Variants in DESI2 observed in about 807,000 individuals in gnomAD.
DESI2 encodes the protein desumoylating isopeptidase 2.
DESI2 carries 10 observed loss-of-function variants against 24.1 expected under a neutral mutation model. The ratio of observed to expected loss-of-function variants is 0.41; its 90% CI spans 0.26 to 0.70. The LOEUF (loss-of-function observed/expected upper bound fraction) is 0.70. DESI2 is among the 30% of genes least tolerant of loss of function. DESI2 has a pLI of 0.29. For missense variants in DESI2, 122 were observed against 234.9 expected, an observed-to-expected ratio of 0.52 and a Z score of 3.14; for synonymous variants, 71 against 87.7, an observed-to-expected ratio of 0.81 and a Z score of 1.06.
chr1:244,657,773 C>A (rs1675699000), intron 1 of DESI2, among the ~76,000 whole-genome samples: 1 of 152,226 alleles, frequency 6.6e-6, no homozygotes, highest in Admixed American at 6.5e-5. Flanking sequence ...ATAGTATCCT[C>A]AGTCAGCAGT....
At chr1:244,663,873 C>A (rs1004787982) in intron 1 of DESI2, among the ~76,000 whole-genome samples, 2 of 151,954 alleles carry the variant, frequency 1.3e-5, no homozygotes, top group African/African-American at 2.4e-5. Context: ...AAAAAATTAG[C>A]CAGGCGTGGT....
At chr1:244,663,561 C>G (rs569557452) in intron 1 of DESI2, among the ~76,000 whole-genome samples, 2 of 152,164 alleles carry the variant, frequency 1.3e-5, no homozygotes, top group East Asian at 3.9e-4. Context: ...TAATTTCAGA[C>G]TTCTCTTTGC....
chr1:244,683,369 T>G (rs938252668), intron 1 of DESI2, among the ~76,000 whole-genome samples: 5 of 152,134 alleles, frequency 3.3e-5, no homozygotes, highest in Non-Finnish European at 5.9e-5. Context: ...TGGAGTGCAG[T>G]GGCGTGATCT....
At chr1:244,701,572 G>A (rs1341642133) in intron 4 of DESI2, among the ~76,000 whole-genome samples, 1 of 152,188 alleles carries the variant, frequency 6.6e-6, no homozygotes, top group East Asian at 1.9e-4. Flanking sequence ...GGCCATAGAA[G>A]ATTATTCCCA....
intron 1 of DESI2, among the ~76,000 whole-genome samples, chr1:244,657,156 A>C (rs1427637465): frequency 1.3e-5 from 2 of 152,256 alleles, no homozygotes; most frequent in Non-Finnish European, 2.9e-5. Context: ...AGGACACTTC[A>C]AATAAGGACA....
At chr1:244,700,361 T>G in intron 4 of DESI2, among the ~76,000 whole-genome samples, 1 of 152,172 alleles carries the variant, frequency 6.6e-6, no homozygotes, top group East Asian at 1.9e-4. Context: ...AAAAGTATTT[T>G]CGTTTCGGAT....
At chr1:244,690,092 T>G (rs549356898) in intron 3 of DESI2, among the ~76,000 whole-genome samples, 1 of 152,222 alleles carries the variant, frequency 6.6e-6, no homozygotes, top group Non-Finnish European at 1.5e-5. Context: ...ATTTATACTT[T>G]AAGTTCTAGG....
At chr1:244,685,395 T>TC (rs1348068522) in intron 1 of DESI2, among the ~76,000 whole-genome samples, 1 of 152,246 alleles carries the variant, frequency 6.6e-6, no homozygotes, top group African/African-American at 2.4e-5. Flanking sequence ...CTTTATCATA[T>TC]ATCAAATTCT....
intron 4 of DESI2, 89 bp from the exon 5 acceptor site, chr1:244,705,467 G>C: frequency 9.1e-7 from 1 of 1,102,756 alleles, no homozygotes; most frequent in East Asian, 2.4e-5. Context: ...TCTGTACGCC[G>C]CCCCCCTCCT....
chr1:244,653,336 T>C lies in DESI2; in HGVS notation c.23T>C (p.Val8Ala). The stretch of plus-strand genomic sequence containing the variant: ...AGGATGGGGGCTAACCAGTTAGTGG[T>C]GCTCAACGTGTACGACATGGTGAGT... MGANQLV[V>A]LNVYDMYWMN... is the part of the protein sequence containing the mutation. The change falls in exon 1 of 5, where the codon GTG becomes GCG. Residue 8 changes from valine (V) to alanine (A), a missense_variant. This residue lies in a region of DESI2 where 15 missense variants were observed against 18.5 expected (regional missense o/e 0.81). Coordinates refer to ENST00000302550, the MANE Select transcript of DESI2 (RefSeq NM_016076.5). 6.5e-7 allele frequency: 1 copy of C among 1,536,114 alleles called. No homozygotes were observed. The highest frequency in any genetic ancestry group is 8.7e-7 in the Non-Finnish European group (1 of 1,149,342).
intron 4 of DESI2, among the ~76,000 whole-genome samples, chr1:244,702,656 A>G (rs1677515410): frequency 6.6e-6 from 1 of 152,206 alleles, no homozygotes; most frequent in African/African-American, 2.4e-5. Flanking sequence ...TAAGAGGTAT[A>G]GGGGATACAT....
intron 1 of DESI2, among the ~76,000 whole-genome samples, chr1:244,682,276 TTTTTTACAGAGCGCTGATGGGTGCA>T (rs996723222): frequency 2.0e-5 from 3 of 152,138 alleles, no homozygotes; most frequent in African/African-American, 7.2e-5. Context: ...GATTGGTCTG[TTTTTTACAGAGCGCTGATGGGTGCA>T]TTTTTACAGA....
rs979022180 is a variant in DESI2 at position 244,706,086 on chromosome 1, T to C, written c.*297T>C. The C allele has an allele frequency of 1.4e-5, 4 of 290,692 alleles. No individual in the cohort carries two copies. Among genetic ancestry groups the C allele is most frequent in the Non-Finnish European group, 2.6e-5 (4 of 152,966 alleles). 18.0% of individuals were successfully genotyped at this position (290,692 alleles called of 1,614,324 possible). On this transcript the variant is annotated 3_prime_UTR_variant, in exon 5 of 5. Transcript: ENST00000302550. ...GTTTACAGTATCTTGTATCGCTGTT[T>C]ACAAATCTTGCATGGACTCCTGCCA... is the stretch of plus-strand genomic sequence containing the variant.
intron 4 of DESI2, among the ~76,000 whole-genome samples, chr1:244,705,157 C>T (rs1677645627): frequency 6.6e-6 from 1 of 152,116 alleles, no homozygotes; most frequent in Non-Finnish European, 1.5e-5. Flanking sequence ...AGGAAAATAT[C>T]CAAGATTGAC....
Position 244,705,911 on chromosome 1 carries a change from T to A in DESI2, c.*122T>A. ...AAGATGGCTCTCCCCCAAATCCCAG[T>A]TTTTCAGCTCAGGATTATATTTGTA... On this transcript the variant is annotated 3_prime_UTR_variant, in exon 5 of 5. Transcript: ENST00000302550. 1 of 704,846 alleles carries A rather than the reference T, an allele frequency of 1.4e-6. No individual in the cohort carries two copies. The highest frequency in any genetic ancestry group is 1.9e-5 in the South Asian group (1 of 52,714). The allele number at this position is 704,846 out of a possible 1,614,324, so 43.7% of individuals were successfully genotyped here.
At chr1:244,701,871 T>A (rs527531918) in intron 4 of DESI2, among the ~76,000 whole-genome samples, 2 of 152,234 alleles carry the variant, frequency 1.3e-5, no homozygotes, top group Non-Finnish European at 2.9e-5. Flanking sequence ...AACCTGTTAA[T>A]GGCACTTGGT....
In DESI2 at chr1:244,707,150, T is replaced by C. The variant is rs554214498; in HGVS notation, c.*1361T>C. The C allele has an allele frequency of 6.5e-6, 1 of 152,790 alleles. No homozygotes were observed. The highest frequency in any genetic ancestry group is 2.1e-4 in the South Asian group (1 of 4,832). The allele number at this position is 152,790 out of a possible 1,614,324, so 9.5% of individuals were successfully genotyped here. A position where few individuals can be genotyped will look rare whatever the true frequency, so the allele number is the denominator to read the frequency against. On this transcript the variant is annotated 3_prime_UTR_variant, in exon 5 of 5. Transcript: ENST00000302550. Reference sequence around the variant, plus strand: ...ATCCAAGGCAGTGACTTCAGCTTTATATACATATAAAATATAGTTAGTTTT... The same window carrying C: ...ATCCAAGGCAGTGACTTCAGCTTTACATACATATAAAATATAGTTAGTTTT...
intron 3 of DESI2, among the ~76,000 whole-genome samples, chr1:244,690,046 C>G (rs6695452): frequency 6.6e-6 from 1 of 152,130 alleles, no homozygotes. Context: ...TGGAGTCTTA[C>G]GAGTAATAAA....
chr1:244,706,893 G>A lies in DESI2; in HGVS notation c.*1104G>A, dbSNP rs547288061. The A allele has an allele frequency of 6.6e-6, 1 of 152,598 alleles. No homozygotes were observed. Among genetic ancestry groups the A allele is most frequent in the Non-Finnish European group, 1.5e-5 (1 of 68,036 alleles). The allele number at this position is 152,598 out of a possible 1,614,324, so 9.5% of individuals were successfully genotyped here. A position where few individuals can be genotyped will look rare whatever the true frequency, so the allele number is the denominator to read the frequency against. ...CCAATCGTTAAAAAATCATATTTGT[G>A]TGTCTTAAGATTCATATTTATATGT... On this transcript the variant is annotated 3_prime_UTR_variant, in exon 5 of 5. Transcript: ENST00000302550.
Sources: allele counts gnomAD v4.1 joint callset (sites outside exome capture counted in the v4.1 genomes callset), GRCh38; gene constraint gnomAD v4.1.1; regional missense constraint gnomAD v4.1.1; transcripts MANE v1.5; gene names NCBI Gene and HGNC (gene_info 2026-07-23, HGNC 2026-07-21).